DACH1: variants seen among roughly 807,000 people sequenced by gnomAD.
DACH1 encodes the protein dachshund homolog 1.
Under a neutral mutation model 54.2 loss-of-function variants are expected in DACH1, and 12 were observed. That is an observed-to-expected ratio of 0.22 (90% CI 0.14 to 0.36). The LOEUF (loss-of-function observed/expected upper bound fraction) is 0.36. Ranked by LOEUF, DACH1 falls within the 10% of genes least tolerant of loss-of-function variation. The pLI is 1.00. For missense variants in DACH1, 805 were observed against 929.8 expected, an observed-to-expected ratio of 0.87 and a Z score of 1.75; for synonymous variants, 386 against 366.2, an observed-to-expected ratio of 1.05 and a Z score of -0.62.
chr13:71,661,126 A>G (rs1391466846), intron 2 of DACH1, among the ~76,000 whole-genome samples: 3 of 151,248 alleles, frequency 2.0e-5, no homozygotes, highest in Non-Finnish European at 4.4e-5. Context: ...AATAACAGTA[A>G]TACTAGCTGC....
At position 71,758,780 on chromosome 13, in the gene DACH1, G is replaced by A. The variant is rs139364766; in HGVS notation, c.849-76870C>T. Among the ~76,000 whole-genome samples, 902 of 152,270 alleles carry A rather than the reference G, an allele frequency of 5.9e-3. 10 individuals carry two copies. The highest frequency in any genetic ancestry group is 0.01 in the Middle Eastern group (3 of 294). Reference sequence around the variant, plus strand: ...CGGTATATTAAAAGATGACTGAGTGGCATATAATTTCTACGGGTAATTCCA... The same window carrying A: ...CGGTATATTAAAAGATGACTGAGTGACATATAATTTCTACGGGTAATTCCA... On this transcript the variant is annotated intron_variant, in intron 1 of 10. Transcript: ENST00000613252.
intron 1 of DACH1, among the ~76,000 whole-genome samples, chr13:71,684,854 C>T (rs973653711): frequency 3.3e-5 from 5 of 152,016 alleles, no homozygotes; most frequent in South Asian, 2.1e-4. Flanking sequence ...CTTATCAATT[C>T]CAGGGTCATA....
chr13:71,616,077 A>C (rs1875741811), intron 3 of DACH1, among the ~76,000 whole-genome samples: 1 of 151,262 alleles, frequency 6.6e-6, no homozygotes, highest in African/African-American at 2.4e-5. Flanking sequence ...AACAAACAAA[A>C]AAGTCATGTT....
rs1303264904 is a variant in DACH1 at position 71,559,920 on chromosome 13, A to C, written c.1335T>G (p.Ser445=). 1 of 1,604,964 alleles carries C rather than the reference A, an allele frequency of 6.2e-7. No homozygotes were observed. Among genetic ancestry groups the C allele is most frequent in the African/African-American group, 1.3e-5 (1 of 74,486 alleles). Residue 445 remains serine (S), a synonymous_variant, in exon 5 of 11, where the codon TCT becomes TCG. Coordinates refer to ENST00000613252, the MANE Select transcript of DACH1 (RefSeq NM_080759.6). The stretch of plus-strand genomic sequence containing the variant: ...TGCCAGGCCTTCTCCCCTCCTCCAG[A>C]GAGGGGGCAGGTGAGGGGCTATCAG... ...RVPDSPSPAP[S]LEEGRRPGSH...
chr13:71,755,672 C>CACAT (rs1403462133), intron 1 of DACH1, among the ~76,000 whole-genome samples: 1 of 152,108 alleles, frequency 6.6e-6, no homozygotes, highest in East Asian at 1.9e-4. Context: ...TCAATTTCTT[C>CACAT]ACATAGATCT....
At chr13:71,843,853 T>G (rs936576116) in intron 1 of DACH1, among the ~76,000 whole-genome samples, 1 of 152,236 alleles carries the variant, frequency 6.6e-6, no homozygotes, top group Non-Finnish European at 1.5e-5. Flanking sequence ...TGGTGCAGGT[T>G]ACAGGCAGCT....
At chr13:71,695,419 A>C (rs1269718057) in intron 1 of DACH1, among the ~76,000 whole-genome samples, 1 of 152,234 alleles carries the variant, frequency 6.6e-6, no homozygotes, top group Non-Finnish European at 1.5e-5. Flanking sequence ...TAGCTATGAC[A>C]CTAAGCTTTA....
At chr13:71,574,079 C>G (rs1312748670) in intron 3 of DACH1, among the ~76,000 whole-genome samples, 1 of 152,036 alleles carries the variant, frequency 6.6e-6, no homozygotes, top group Non-Finnish European at 1.5e-5. Flanking sequence ...AATGCCAAAG[C>G]AAAAATTAAA....
At chr13:71,801,570 C>G (rs918570853) in intron 1 of DACH1, among the ~76,000 whole-genome samples, 1 of 152,008 alleles carries the variant, frequency 6.6e-6, no homozygotes, top group South Asian at 2.1e-4. Flanking sequence ...TTCGCGGTTC[C>G]AAGTGATACA....
chr13:71,830,535 A>C (rs1416344308), intron 1 of DACH1, among the ~76,000 whole-genome samples: 1 of 151,918 alleles, frequency 6.6e-6, no homozygotes, highest in Non-Finnish European at 1.5e-5. Flanking sequence ...TTAAGCATAT[A>C]TAAATGAGGA....
intron 1 of DACH1, among the ~76,000 whole-genome samples, chr13:71,860,162 A>T (rs1485461604): frequency 6.6e-6 from 1 of 151,434 alleles, no homozygotes; most frequent in East Asian, 1.9e-4. Flanking sequence ...CAAACTACAT[A>T]TACTATATAA....
chr13:71,736,998 C>T (rs1351511760), intron 1 of DACH1, among the ~76,000 whole-genome samples: 1 of 152,158 alleles, frequency 6.6e-6, no homozygotes, highest in Non-Finnish European at 1.5e-5. Flanking sequence ...CGCCTATAAT[C>T]CCAGCTCTTT....
intron 6 of DACH1, among the ~76,000 whole-genome samples, chr13:71,515,422 T>C (rs1254256867): frequency 1.3e-5 from 2 of 151,928 alleles, no homozygotes; most frequent in Non-Finnish European, 2.9e-5. Flanking sequence ...TGATAACATG[T>C]TAAAATTAAT....
chr13:71,626,181 T>C (rs927979514), intron 3 of DACH1, among the ~76,000 whole-genome samples: 2 of 151,936 alleles, frequency 1.3e-5, no homozygotes, highest in Non-Finnish European at 2.9e-5. Flanking sequence ...ACTTCCTTTG[T>C]TGTCATTAAG....
At chr13:71,766,358 G>C (rs1046253688) in intron 1 of DACH1, among the ~76,000 whole-genome samples, 3 of 152,162 alleles carry the variant, frequency 2.0e-5, no homozygotes, top group Non-Finnish European at 2.9e-5. Flanking sequence ...TTCAGCTCTT[G>C]AGATTCTTAA....
intron 10 of DACH1, among the ~76,000 whole-genome samples, chr13:71,465,750 T>G (rs988297695): frequency 6.6e-6 from 1 of 152,132 alleles, no homozygotes; most frequent in Non-Finnish European, 1.5e-5. Context: ...TAAAAATGCT[T>G]AAAAATTAAC....
rs544840623 is a variant in DACH1, at chr13:71,715,632, A to G, written c.849-33722T>C. On this transcript the variant is annotated intron_variant, in intron 1 of 10. Coordinates refer to ENST00000613252, the MANE Select transcript of DACH1 (RefSeq NM_080759.6). Reference sequence around the variant, plus strand: ...ATATCTATTGAAATAGCTAATTTCAATAGCTGTCTATTGGTGAACATAGAG... The same window carrying G: ...ATATCTATTGAAATAGCTAATTTCAGTAGCTGTCTATTGGTGAACATAGAG... Among the ~76,000 whole-genome samples, 197 of 152,196 alleles carry G rather than the reference A, an allele frequency of 1.3e-3. No homozygotes were observed. In the Middle Eastern group the frequency reaches 0.014, roughly 11 times the overall value.
At chr13:71,530,528 C>T (rs1012125796) in intron 6 of DACH1, among the ~76,000 whole-genome samples, 3 of 151,974 alleles carry the variant, frequency 2.0e-5, no homozygotes. Flanking sequence ...AAGGGTTGGC[C>T]GAGAACCCAT....
intron 10 of DACH1, among the ~76,000 whole-genome samples, chr13:71,459,485 A>G (rs1484234241): frequency 6.6e-6 from 1 of 151,950 alleles, no homozygotes; most frequent in African/African-American, 2.4e-5. Context: ...ACTTAAATTC[A>G]TGATTTTGAA....
Sources: gnomAD v4.1 joint callset for allele counts (sites outside exome capture counted in the v4.1 genomes callset) on GRCh38, gnomAD v4.1.1 for gene constraint, MANE v1.5 for transcripts, NCBI Gene and HGNC (gene_info 2026-07-23, HGNC 2026-07-21) for gene names.